Variants in CHST11 observed in about 807,000 individuals in gnomAD.
CHST11 encodes the protein C4S-1.
Under a neutral mutation model 30.4 loss-of-function variants are expected in CHST11, and 9 were observed. The observed-to-expected ratio is 0.30, with a 90% CI of 0.18 to 0.52. CHST11 has a LOEUF of 0.52. Among genes scored for constraint, CHST11 ranks in the 20% least tolerant of loss-of-function variants. CHST11 has a pLI of 0.97. For synonymous variants in CHST11, 152 were observed against 187.8 expected (o/e 0.81, Z 1.56); for missense variants, 348 against 460.6 (o/e 0.76, Z 2.24).
At position 104,755,615 on chromosome 12, in the gene CHST11, G is replaced by A. The variant is rs149643868; in HGVS notation, c.205-1334G>A. ...AGCCTGACCAACGTAGTGAAACCCC[G>A]TCTCTACTAAAAATACAAAAATCAG... On this transcript the variant is annotated intron_variant, in intron 2 of 2. Coordinates refer to ENST00000303694, the MANE Select transcript of CHST11 (RefSeq NM_018413.6). Among the ~76,000 whole-genome samples, 91 of 152,142 alleles carry A rather than the reference G, an allele frequency of 6.0e-4. No homozygotes were observed. The East Asian group carries it at 8.1e-3, about 14-fold the overall frequency.
intron 2 of CHST11, among the ~76,000 whole-genome samples, chr12:104,756,532 G>GGTGTGTGTGTGTGTGTGT (rs113577198): frequency 0.02 from 2,924 of 143,352 alleles, 41 homozygotes; most frequent in Admixed American, 0.034. Context: ...ATCCATGTGG[G>GGTGTGTGTGTGTGTGTGT]GTGTGTGTGT....
intron 2 of CHST11, among the ~76,000 whole-genome samples, chr12:104,665,026 G>A (rs1400657256): frequency 6.6e-6 from 1 of 152,212 alleles, no homozygotes; most frequent in African/African-American, 2.4e-5. Context: ...CTGCCTGAGT[G>A]CCTCACCTTG....
rs573680468 is a variant in CHST11, at chr12:104,490,496, T to C, written c.118+32967T>C. On this transcript the variant is annotated intron_variant, in intron 1 of 2. Transcript: ENST00000303694. ...AGGGAAGTTGTAGGCAATGTGAGTT[T>C]ATCAGAAAACTTCACCATATCAGCA... Among the ~76,000 whole-genome samples, 45 of 152,348 alleles carry C rather than the reference T, an allele frequency of 3.0e-4. No homozygotes were observed. The South Asian group carries it at 9.1e-3, about 31-fold the overall frequency.
intron 2 of CHST11, among the ~76,000 whole-genome samples, chr12:104,620,845 GC>G (rs935779323): frequency 1.3e-5 from 2 of 152,166 alleles, no homozygotes; most frequent in African/African-American, 4.8e-5. Context: ...AAAACCAGGA[GC>G]TAGGAGAATG....
intron 1 of CHST11, among the ~76,000 whole-genome samples, chr12:104,495,900 A>T (rs945185203): frequency 1.3e-5 from 2 of 152,192 alleles, no homozygotes; most frequent in African/African-American, 4.8e-5. Context: ...CCATATCAAG[A>T]AAGTTATAGA....
chr12:104,720,027 G>A (rs758431124), intron 2 of CHST11, among the ~76,000 whole-genome samples: 27 of 152,316 alleles, frequency 1.8e-4, no homozygotes, highest in Admixed American at 3.9e-4. Flanking sequence ...GCACTTTTCC[G>A]CCTTTAGATC....
At chr12:104,643,539 G>C (rs1199621019) in intron 2 of CHST11, among the ~76,000 whole-genome samples, 1 of 152,118 alleles carries the variant, frequency 6.6e-6, no homozygotes, top group African/African-American at 2.4e-5. Flanking sequence ...GGGATTATCA[G>C]TAACAGATTT....
chr12:104,654,994 G>A (rs2039529558), intron 2 of CHST11, among the ~76,000 whole-genome samples: 1 of 152,188 alleles, frequency 6.6e-6, no homozygotes, highest in Non-Finnish European at 1.5e-5. Context: ...CACACATGTA[G>A]CTCTCCTTTC....
At chr12:104,621,043 C>A (rs1206798779) in intron 2 of CHST11, among the ~76,000 whole-genome samples, 1 of 152,212 alleles carries the variant, frequency 6.6e-6, no homozygotes, top group Admixed American at 6.5e-5. Context: ...GCCTCAGAAA[C>A]CCTGCTTGTC....
rs927685002 is a variant in CHST11, at chr12:104,551,797, C to A, written c.119-50109C>A. Among the ~76,000 whole-genome samples, 3 of 151,942 alleles carry A rather than the reference C, an allele frequency of 2.0e-5. No homozygotes were observed. The East Asian group carries it at 5.8e-4, about 29-fold the overall frequency. On this transcript the variant is annotated intron_variant, in intron 1 of 2. Coordinates refer to ENST00000303694, the MANE Select transcript of CHST11 (RefSeq NM_018413.6). ...GAAGTGGTGCGAGGTGGAAGGAGAC[C>A]GAGGTTGGGCGACGTAGGTGTGGGG...
intron 2 of CHST11, among the ~76,000 whole-genome samples, chr12:104,705,883 G>T (rs1210939773): frequency 6.6e-6 from 1 of 151,646 alleles, no homozygotes; most frequent in Non-Finnish European, 1.5e-5. Context: ...TCGCACCACT[G>T]CCTGGGAGAC....
intron 2 of CHST11, among the ~76,000 whole-genome samples, chr12:104,737,653 G>C (rs2040312485): frequency 6.6e-6 from 1 of 152,144 alleles, no homozygotes; most frequent in Admixed American, 6.5e-5. Context: ...GCCTTCCTCG[G>C]GGCAGTGGAG....
chr12:104,695,063 G>A lies in CHST11; in HGVS notation c.205-61886G>A, dbSNP rs559194131. On this transcript the variant is annotated intron_variant, in intron 2 of 2. Coordinates refer to ENST00000303694, the MANE Select transcript of CHST11 (RefSeq NM_018413.6). Reference sequence around the variant, plus strand: ...CACAGGGGATGCTGGGGGGTTCTCCGAAGCTTGACACCCTGCCTTCAGATC... The same window carrying A: ...CACAGGGGATGCTGGGGGGTTCTCCAAAGCTTGACACCCTGCCTTCAGATC... Among the ~76,000 whole-genome samples the A allele has an allele frequency of 2.1e-3, 325 of 152,282 alleles. 5 individuals carry two copies. Among genetic ancestry groups the A allele is most frequent in the South Asian group, 0.01 (50 of 4,818 alleles).
chr12:104,647,391 A>G (rs1036653541), intron 2 of CHST11, among the ~76,000 whole-genome samples: 1 of 152,238 alleles, frequency 6.6e-6, no homozygotes, highest in Non-Finnish European at 1.5e-5. Flanking sequence ...TTTTTTAGCT[A>G]TATTTTTTTC....
chr12:104,561,289 T>A (rs2038511808), intron 1 of CHST11, among the ~76,000 whole-genome samples: 1 of 152,202 alleles, frequency 6.6e-6, no homozygotes, highest in Non-Finnish European at 1.5e-5. Context: ...ATCTTGTTGT[T>A]CTGCCCCCAC....
intron 2 of CHST11, among the ~76,000 whole-genome samples, chr12:104,640,834 G>A (rs2039369890): frequency 6.6e-6 from 1 of 152,122 alleles, no homozygotes; most frequent in Admixed American, 6.5e-5. Flanking sequence ...GGGCAGAAGA[G>A]GGTTGGTCCC....
At chr12:104,735,465 G>A (rs187076148) in intron 2 of CHST11, among the ~76,000 whole-genome samples, 90 of 152,274 alleles carry the variant, frequency 5.9e-4, no homozygotes, top group Middle Eastern at 3.4e-3. Flanking sequence ...GATCACTGGC[G>A]GAGCACCAGG....
chr12:104,706,929 C>T (rs994974363), intron 2 of CHST11, among the ~76,000 whole-genome samples: 3 of 152,038 alleles, frequency 2.0e-5, no homozygotes, highest in South Asian at 2.1e-4. Context: ...GGGATCACAG[C>T]GAGGCTCTGA....
In CHST11 at chr12:104,676,944, T is replaced by G. The variant is rs1201399171; in HGVS notation, c.204+74953T>G. On this transcript the variant is annotated intron_variant, in intron 2 of 2. Coordinates refer to ENST00000303694, the MANE Select transcript of CHST11 (RefSeq NM_018413.6). The surrounding 1 kb of genome is among the most constrained non-coding windows in gnomAD (Gnocchi z 4.4). ...TTGTTTCTATAGGGGCTGTGTGGTG[T>G]GGGCCCCATCCCAGCCCCTGCCCTT... Among the ~76,000 whole-genome samples the G allele has an allele frequency of 6.6e-6, 1 of 152,184 alleles. No individual in the cohort carries two copies. The highest frequency in any genetic ancestry group is 6.5e-5 in the Admixed American group (1 of 15,282).
Sources: gnomAD v4.1 joint callset for allele counts (sites outside exome capture counted in the v4.1 genomes callset) on GRCh38, gnomAD v4.1.1 for gene constraint, Gnocchi (gnomAD v3.1) non-coding constraint, MANE v1.5 for transcripts, NCBI Gene and HGNC (gene_info 2026-07-23, HGNC 2026-07-21) for gene names.